Variants in PPARG observed in about 807,000 individuals in gnomAD.
The protein encoded by PPARG is peroxisome proliferator-activated receptor gamma.
Under a neutral mutation model 39.2 loss-of-function variants are expected in PPARG, and 17 were observed. That is an observed-to-expected ratio of 0.43 (90% CI 0.30 to 0.65). The LOEUF (loss-of-function observed/expected upper bound fraction) is 0.65. Ranked by LOEUF, PPARG falls within the 30% of genes least tolerant of loss-of-function variation. PPARG has a pLI of 0.13. For synonymous variants in PPARG, 223 were observed against 215.7 expected (o/e 1.03, Z -0.30); for missense variants, 406 against 585.9 (o/e 0.69, Z 3.17).
chr3:12,383,810 A>G (rs1300686233), intron 4 of PPARG, among the ~76,000 whole-genome samples: 1 of 152,080 alleles, frequency 6.6e-6, no homozygotes, highest in Non-Finnish European at 1.5e-5. Context: ...TTCTGAGGGC[A>G]CTAAAACTTA....
chr3:12,374,236 A>G (rs1252586017), intron 2 of PPARG, among the ~76,000 whole-genome samples: 2 of 152,138 alleles, frequency 1.3e-5, no homozygotes, highest in African/African-American at 4.8e-5. Flanking sequence ...AGTATGGGGT[A>G]TGTTTGGGGC....
At chr3:12,392,473 A>T in intron 4 of PPARG, 141 bp from the exon 5 acceptor site, 1 of 877,324 alleles carries the variant, frequency 1.1e-6, no homozygotes, top group Non-Finnish European at 1.8e-6. Flanking sequence ...AGGTTAAGTG[A>T]CTTGTCTAAA....
At chr3:12,329,078 T>C (rs1173576556) in intron 2 of PPARG, among the ~76,000 whole-genome samples, 1 of 152,056 alleles carries the variant, frequency 6.6e-6, no homozygotes, top group Non-Finnish European at 1.5e-5. Flanking sequence ...TCAAGAATTT[T>C]GTTGCAAGCC....
intron 2 of PPARG, among the ~76,000 whole-genome samples, chr3:12,367,616 A>G (rs1051159196): frequency 6.6e-6 from 1 of 151,966 alleles, no homozygotes; most frequent in Non-Finnish European, 1.5e-5. Flanking sequence ...TGGGAGGCTG[A>G]GGCGGGAGGA....
intron 2 of PPARG, among the ~76,000 whole-genome samples, chr3:12,359,282 T>C (rs985130540): frequency 2.6e-5 from 4 of 152,000 alleles, no homozygotes; most frequent in African/African-American, 9.7e-5. Flanking sequence ...GCTGAAGATA[T>C]AGAGAAAGAA....
chr3:12,401,956 A>AT (rs1382390269), intron 5 of PPARG, among the ~76,000 whole-genome samples: 1 of 152,170 alleles, frequency 6.6e-6, no homozygotes, highest in African/African-American at 2.4e-5. Flanking sequence ...TTTTCGGGGT[A>AT]TTTTTTGGTT....
chr3:12,389,203 C>T (rs1470779469), intron 4 of PPARG, among the ~76,000 whole-genome samples: 1 of 151,990 alleles, frequency 6.6e-6, no homozygotes, highest in African/African-American at 2.4e-5. Flanking sequence ...TGTTATTTTG[C>T]TTCTGTTCTG....
rs115973807 is a variant in PPARG at position 12,297,205 on chromosome 3, G to A, written c.-83+8071G>A. On this transcript the variant is annotated intron_variant, in intron 1 of 7. Coordinates refer to ENST00000651735, the MANE Select transcript of PPARG (RefSeq NM_138711.6). ...TGGTATAATCAATAGTTAAAATATT[G>A]TACAGTTATAATGACAATTTAGAAA... Among the ~76,000 whole-genome samples, 989 of 152,182 alleles carry A rather than the reference G, an allele frequency of 6.5e-3. 12 individuals are homozygous for A. Among genetic ancestry groups the A allele is most frequent in the African/African-American group, 0.022 (903 of 41,520 alleles).
At chr3:12,425,380 G>C (rs1165225292) in intron 7 of PPARG, among the ~76,000 whole-genome samples, 1 of 152,206 alleles carries the variant, frequency 6.6e-6, no homozygotes, top group Admixed American at 6.5e-5. Flanking sequence ...GGAGTGGAGA[G>C]AAGTCATACC....
In PPARG at chr3:12,314,012, C is replaced by A. The variant is rs185626599; in HGVS notation, c.-9+1559C>A. Reference sequence around the variant, plus strand: ...GTGAGGTGGGCCAGGCATGGTGGCTCACGCCTGTAATCCCAGAACTTTGGG... The same window carrying A: ...GTGAGGTGGGCCAGGCATGGTGGCTAACGCCTGTAATCCCAGAACTTTGGG... On this transcript the variant is annotated intron_variant, in intron 2 of 7. Transcript: ENST00000651735. Among the ~76,000 whole-genome samples, 246 of 152,314 alleles carry A rather than the reference C, an allele frequency of 1.6e-3. 1 individual carries two copies. The highest frequency in any genetic ancestry group is 5.7e-3 in the African/African-American group (236 of 41,562).
chr3:12,395,543 C>T (rs1323250249), intron 5 of PPARG, among the ~76,000 whole-genome samples: 2 of 152,126 alleles, frequency 1.3e-5, no homozygotes, highest in Admixed American at 6.6e-5. Flanking sequence ...GACACATCGT[C>T]TACATGTTGT....
At chr3:12,396,485 G>A (rs2050264080) in intron 5 of PPARG, among the ~76,000 whole-genome samples, 1 of 152,104 alleles carries the variant, frequency 6.6e-6, no homozygotes. Context: ...GGCCAGGCAT[G>A]GTGGCTCATG....
chr3:12,396,910 A>G (rs1326008616), intron 5 of PPARG, among the ~76,000 whole-genome samples: 3 of 152,040 alleles, frequency 2.0e-5, no homozygotes, highest in African/African-American at 7.2e-5. Context: ...ATTTTTAGAG[A>G]TGGAGTCTCC....
At position 12,392,699 on chromosome 3, in the gene PPARG, A is replaced by G. The variant is rs2050123104; in HGVS notation, c.476A>G (p.Lys159Arg). The G allele has an allele frequency of 1.2e-6, 2 of 1,613,938 alleles. No homozygotes were observed. Among genetic ancestry groups the G allele is most frequent in the Non-Finnish European group, 1.7e-6 (2 of 1,179,870 alleles). ...CGGATCCACAAAAAAAGTAGAAATA[A>G]ATGTCAGTACTGTCGGTTTCAGAAA... ...NCRIHKKSRN[K>R]CQYCRFQKCL... Residue 159 changes from lysine to arginine, a missense_variant, in exon 5 of 8, where the codon AAA (lysine) becomes AGA (arginine). By Grantham distance (26) the Lys-to-Arg change is conservative (BLOSUM62 2). Coordinates refer to ENST00000651735, the MANE Select transcript of PPARG (RefSeq NM_138711.6).
At chr3:12,305,884 A>G (rs901012019) in intron 1 of PPARG, 1 of 152,260 alleles carries the variant, frequency 6.6e-6, no homozygotes, top group Admixed American at 6.5e-5. Flanking sequence ...TTGAACCAAA[A>G]TGTCATTTAA....
intron 2 of PPARG, among the ~76,000 whole-genome samples, chr3:12,347,855 G>T (rs976408176): frequency 6.6e-6 from 1 of 152,282 alleles, no homozygotes; most frequent in Non-Finnish European, 1.5e-5. Flanking sequence ...CAGGGACTCT[G>T]CTAGGTTCTA....
chr3:12,371,305 C>G (rs1339035360), intron 2 of PPARG, among the ~76,000 whole-genome samples: 1 of 152,112 alleles, frequency 6.6e-6, no homozygotes, highest in Non-Finnish European at 1.5e-5. Flanking sequence ...TGTGCCCATC[C>G]TTCTTCACCG....
rs2051067790 is a variant in PPARG, at chr3:12,416,685, T to C, written c.730-19T>C. 1 of 1,607,976 alleles carries C rather than the reference T, an allele frequency of 6.2e-7. No individual in the cohort carries two copies. The highest frequency in any genetic ancestry group is 8.5e-7 in the Non-Finnish European group (1 of 1,175,642). On this transcript the variant is annotated intron_variant, in intron 6 of 7. Transcript: ENST00000651735. ...TAGAAATCTCCAAGTCATCCACGTT[T>C]TCCCTGTTTTATTTGCAGCCATTCG...
chr3:12,322,935 G>C (rs946453823), intron 2 of PPARG, among the ~76,000 whole-genome samples: 5 of 152,092 alleles, frequency 3.3e-5, no homozygotes, highest in African/African-American at 1.2e-4. Context: ...CCAATTAGCT[G>C]GGACTATAGG....
Sources: allele counts gnomAD v4.1 joint callset (sites outside exome capture counted in the v4.1 genomes callset), GRCh38; gene constraint gnomAD v4.1.1; transcripts MANE v1.5; gene names NCBI Gene and HGNC (gene_info 2026-07-23, HGNC 2026-07-21).